SETD2: variants seen among roughly 807,000 people sequenced by gnomAD.
SETD2 encodes SET domain containing 2, histone lysine methyltransferase, also known as histone-lysine N-methyltransferase SETD2.
A neutral mutation model predicts 242.1 loss-of-function variants in SETD2; 31 were observed. That is an observed-to-expected ratio of 0.13 (90% CI 0.10 to 0.17). The LOEUF (loss-of-function observed/expected upper bound fraction) is 0.17. Ranked by LOEUF, SETD2 falls within the 10% of genes least tolerant of loss-of-function variation. The probability of loss-of-function intolerance (pLI) is 1.00; values close to 1 mark genes in which losing one functional copy is unlikely to be tolerated. For missense variants in SETD2, 2,481 were observed against 3,046.3 expected, an observed-to-expected ratio of 0.81 and a Z score of 4.37; for synonymous variants, 1,006 against 1,066.5, an observed-to-expected ratio of 0.94 and a Z score of 1.11.
intron 1 of SETD2, among the ~76,000 whole-genome samples, chr3:47,131,349 A>AT (rs968446982): frequency 6.6e-6 from 1 of 151,906 alleles, no homozygotes; most frequent in East Asian, 1.9e-4. Context: ...TTTTAAATTA[A>AT]TTTTTTTTCT....
intron 1 of SETD2, among the ~76,000 whole-genome samples, chr3:47,147,747 C>T (rs566581313): frequency 5.9e-5 from 9 of 151,672 alleles, no homozygotes; most frequent in African/African-American, 1.9e-4. Flanking sequence ...CAGTGAAACC[C>T]TGTCTCTACT....
At chr3:47,037,589 A>T (rs1277191629) in intron 18 of SETD2, 77 bp downstream of exon 18, 2 of 1,067,718 alleles carry the variant, frequency 1.9e-6, no homozygotes, top group East Asian at 2.4e-5. Flanking sequence ...TAAAGAAAAA[A>T]GAATCCCAAG....
At chr3:47,124,780 A>G (rs1400360239) in intron 2 of SETD2, among the ~76,000 whole-genome samples, 2 of 152,164 alleles carry the variant, frequency 1.3e-5, no homozygotes, top group East Asian at 1.9e-4. Flanking sequence ...ACAATTACCT[A>G]TTTTCCCCAT....
At chr3:47,114,845 C>A (rs920918971) in intron 4 of SETD2, among the ~76,000 whole-genome samples, 5 of 144,328 alleles carry the variant, frequency 3.5e-5, no homozygotes, top group African/African-American at 1.3e-4. Context: ...TGCCACTGCA[C>A]TCTAGCCTGG....
chr3:47,052,677 G>T (rs2039899390), intron 15 of SETD2, among the ~76,000 whole-genome samples: 1 of 151,916 alleles, frequency 6.6e-6, no homozygotes, highest in South Asian at 2.1e-4. Context: ...AATTAGCTAG[G>T]AATGGTGGTG....
intron 1 of SETD2, among the ~76,000 whole-genome samples, chr3:47,146,439 C>CG (rs2043857127): frequency 6.6e-6 from 1 of 151,960 alleles, no homozygotes; most frequent in African/African-American, 2.4e-5. Context: ...ACCAGCCTGG[C>CG]CAACATAGCG....
intron 1 of SETD2, among the ~76,000 whole-genome samples, chr3:47,163,178 C>A (rs1697550484): frequency 6.6e-6 from 1 of 152,230 alleles, no homozygotes; most frequent in African/African-American, 2.4e-5. Flanking sequence ...ACCTCAACAA[C>A]GGGACCACAC....
rs2043237145 is a variant in SETD2, at chr3:47,124,278, T to C, written c.358A>G (p.Ile120Val). The C allele has an allele frequency of 1.3e-6, 2 of 1,551,768 alleles. No homozygotes were observed. The highest frequency in any genetic ancestry group is 1.7e-6 in the Non-Finnish European group (2 of 1,146,998). Residue 120 changes from isoleucine to valine, a missense_variant, in exon 3 of 21, where the codon ATT (isoleucine) becomes GTT (valine). Ile to Val is a conservative substitution (Grantham distance 29). Around this residue, in one of 17 missense-constraint regions of SETD2, gnomAD observed 334 missense variants for 374.5 expected, o/e 0.89. Transcript: ENST00000409792. ...VDSTPKMKME[I>V]GDTLSTAEES... ...TCTGCAGTAGATAAGGTATCACCAA[T>C]TTCCATTTTCATTTTAGGAGTCGAG... is the stretch of plus-strand genomic sequence containing the variant.
chr3:47,159,763 T>C (rs542677360), intron 1 of SETD2, among the ~76,000 whole-genome samples: 2 of 152,106 alleles, frequency 1.3e-5, no homozygotes, highest in East Asian at 3.9e-4. Flanking sequence ...GATCATGAGG[T>C]CAGGAGTTCA....
rs2107747152 is a variant in SETD2 at position 47,120,889 on chromosome 3, C to T, written c.3747G>A (p.Leu1249=). 6.2e-7 allele frequency: 1 copy of T among 1,614,242 alleles called. No homozygotes were observed. The highest frequency in any genetic ancestry group is 8.5e-7 in the Non-Finnish European group (1 of 1,180,040). ...AGTTTCTGAGCTCTTCTGATGAGTG[C>T]AAGCCATCCACATGTGGTATCTCAC... ...SSCEIPHVDG[L]HSSEELRNLG... The change falls in exon 3 of 21, where the codon TTG becomes TTA. Residue 1249 remains leucine, a synonymous_variant. Transcript: ENST00000409792.
In SETD2 at chr3:47,113,829, A is replaced by G. The variant is rs769290578; in HGVS notation, c.4715+47T>C. ...ACTCCAGTCTGGGTGAAAGAGTGAG[A>G]CCTTGTCTCAAAAAAGGAAGTGAAA... On this transcript the variant is annotated intron_variant, in intron 5 of 20. Transcript: ENST00000409792. 4 of 1,591,238 alleles carry G rather than the reference A, an allele frequency of 2.5e-6. No homozygotes were observed. In the South Asian group the frequency reaches 4.5e-5, roughly 18 times the overall value.
intron 15 of SETD2, among the ~76,000 whole-genome samples, chr3:47,047,373 A>G (rs1367261056): frequency 1.3e-5 from 2 of 152,196 alleles, no homozygotes; most frequent in African/African-American, 4.8e-5. Context: ...AGCATAGAAA[A>G]TCTGCTTAAA....
chr3:47,081,006 G>A (rs1233361323), intron 12 of SETD2: 7 of 986,882 alleles, frequency 7.1e-6, no homozygotes, highest in South Asian at 4.7e-5. Flanking sequence ...TCTTCAGCAC[G>A]AAGTTGGAAA....
intron 18 of SETD2, among the ~76,000 whole-genome samples, chr3:47,031,119 C>T (rs2038746382): frequency 6.6e-6 from 1 of 152,202 alleles, no homozygotes; most frequent in Admixed American, 6.5e-5. Flanking sequence ...GATGAGTAAG[C>T]AGCAGCTCAA....
intron 1 of SETD2, among the ~76,000 whole-genome samples, chr3:47,149,816 T>C (rs911229108): frequency 4.6e-5 from 7 of 152,146 alleles, no homozygotes; most frequent in African/African-American, 1.7e-4. Flanking sequence ...TTCTAAACAT[T>C]AGGTTAAAAG....
At chr3:47,147,682 G>C (rs2043889653) in intron 1 of SETD2, among the ~76,000 whole-genome samples, 2 of 151,512 alleles carry the variant, frequency 1.3e-5, no homozygotes, top group Non-Finnish European at 2.9e-5. Context: ...CCAGCACTTT[G>C]GGAGGCCAAG....
At chr3:47,129,878 C>CAA (rs567103269) in intron 1 of SETD2, among the ~76,000 whole-genome samples, 3 of 93,702 alleles carry the variant, frequency 3.2e-5, no homozygotes, top group Non-Finnish European at 4.4e-5. Context: ...GACTCCGCCT[C>CAA]AAAAAAAAAA....
intron 15 of SETD2, among the ~76,000 whole-genome samples, chr3:47,047,611 A>G (rs185266987): frequency 1.3e-5 from 2 of 152,350 alleles, no homozygotes; most frequent in Admixed American, 1.3e-4. Flanking sequence ...TGAATAGGCA[A>G]TGCAGCTATC....
rs563800428 is a variant in SETD2, at chr3:47,062,026, T to C, written c.6293+137A>G. The C allele has an allele frequency of 1.4e-5, 10 of 712,422 alleles. 1 individual carries two copies. Among genetic ancestry groups the C allele is most frequent in the Middle Eastern group, 4.0e-4 (1 of 2,484 alleles). The allele number at this position is 712,422 out of a possible 1,614,324, so 44.1% of individuals were successfully genotyped here. Reference sequence around the variant, plus strand: ...ATCTGTCTTAAGATTATCAGTAAAGTTGTATACTCACTCATCAAAATGCAA... The same window carrying C: ...ATCTGTCTTAAGATTATCAGTAAAGCTGTATACTCACTCATCAAAATGCAA... On this transcript the variant is annotated intron_variant, in intron 14 of 20. Transcript: ENST00000409792.
Sources: gnomAD v4.1 joint callset for allele counts (sites outside exome capture counted in the v4.1 genomes callset) on GRCh38, gnomAD v4.1.1 for gene constraint, gnomAD v4.1.1 regional missense constraint, MANE v1.5 for transcripts, NCBI Gene and HGNC (gene_info 2026-07-23, HGNC 2026-07-21) for gene names.